NPPB: variants seen among roughly 807,000 people sequenced by gnomAD.
NPPB encodes the protein natriuretic peptide B.
NPPB carries 13 observed loss-of-function variants against 12.7 expected under a neutral mutation model. That is an observed-to-expected ratio of 1.03 (90% confidence interval 0.67 to 1.63). The LOEUF (loss-of-function observed/expected upper bound fraction) is 1.63, where lower values mean the gene tolerates loss of function less well. NPPB is among the 40% of genes most tolerant of loss of function. The probability of loss-of-function intolerance (pLI) is 0.00; values close to 1 mark genes in which losing one functional copy is unlikely to be tolerated. For missense variants in NPPB, 184 were observed against 172.9 expected (o/e 1.06, Z -0.36); for synonymous variants, 66 against 74.7 (o/e 0.88, Z 0.60).
intron 2 of NPPB, 94 bp downstream of exon 2, chr1:11,858,120 G>A (rs1295105414): frequency 1.6e-6 from 2 of 1,223,668 alleles, no homozygotes; most frequent in Non-Finnish European, 2.3e-6. Flanking sequence ...TTCTCAAAGA[G>A]TGTGGTTCCC....
intron 1 of NPPB, 33 bp from the exon 2 acceptor site, chr1:11,858,502 A>T: frequency 6.5e-7 from 1 of 1,534,424 alleles, no homozygotes. Context: ...AGCCTCAGGG[A>T]CCCACCCCTG....
intron 2 of NPPB, 58 bp downstream of exon 2, chr1:11,858,156 C>G: frequency 2.0e-6 from 3 of 1,478,088 alleles, no homozygotes; most frequent in Non-Finnish European, 1.8e-6. Context: ...CAAAGTGACT[C>G]TAACAGTGTC....
chr1:11,858,281 C>T lies in NPPB; in HGVS notation c.321G>A (p.Val107=), dbSNP rs1276956496. 1.2e-6 allele frequency: 2 copies of T among 1,614,128 alleles called. No homozygotes were observed. The highest frequency in any genetic ancestry group is 1.7e-6 in the Non-Finnish European group (2 of 1,179,996). Reference sequence around the variant, plus strand: ...TCCTCCCAAAGCAGCCAGACCCTTGCACCATCTTGGGGCTTCGTGGTGCCC... The same window carrying T: ...TCCTCCCAAAGCAGCCAGACCCTTGTACCATCTTGGGGCTTCGTGGTGCCC... ...TLRAPRSPKM[V]QGSGCFGRKM... Residue 107 remains valine (V), a synonymous_variant, in exon 2 of 3, where the codon GTG becomes GTA. Transcript: ENST00000376468.
Position 11,858,938 on chromosome 1 carries a change from C to T in NPPB, c.-105G>A. ...CCACCTGCCCTCAGCCTGCGGGGTG[C>T]TCCTCCTGGCTCCTCGGGACACCGT... On this transcript the variant is annotated 5_prime_UTR_variant, in exon 1 of 3. Transcript: ENST00000376468. 1 of 1,551,554 alleles carries T rather than the reference C, an allele frequency of 6.4e-7. No individual in the cohort carries two copies. The highest frequency in any genetic ancestry group is 8.7e-7 in the Non-Finnish European group (1 of 1,147,092).
At chr1:11,858,168 C>A (rs1473116280) in intron 2 of NPPB, 46 bp downstream of exon 2, 4 of 1,528,510 alleles carry the variant, frequency 2.6e-6, no homozygotes, top group Non-Finnish European at 3.5e-6. Context: ...AACAGTGTCA[C>A]ACACTGGAAT....
rs935981602 is a variant in NPPB at position 11,858,458 on chromosome 1, G to A, written c.144C>T (p.Asn48=). The A allele has an allele frequency of 1.9e-6, 3 of 1,540,238 alleles. No individual in the cohort carries two copies. In the African/African-American group the frequency reaches 4.1e-5, roughly 21 times the overall value. ...LETSGLQEQR[N]HLQGKLSELQ... ...GCTCCGACAGTTTGCCCTGCAAATG[G>A]TTGCGCTGCTCCTGCAATGAATGGG... Residue 48 remains asparagine (N), a synonymous_variant, in exon 2 of 3, where the codon AAC becomes AAT. Transcript: ENST00000376468.
rs747440882 is a variant in NPPB at position 11,857,482 on chromosome 1, C to A, written c.*173G>T. ...CAAAAGATAAAGCTTATAATGTTGACTTTATTTCACCGTGGAAATTTTGTG... is the reference window on the plus strand; with the variant it reads ...CAAAAGATAAAGCTTATAATGTTGAATTTATTTCACCGTGGAAATTTTGTG... On this transcript the variant is annotated 3_prime_UTR_variant, in exon 3 of 3. Transcript: ENST00000376468. 61 of 629,380 alleles carry A rather than the reference C, an allele frequency of 9.7e-5. No homozygotes were observed. Among genetic ancestry groups the A allele is most frequent in the Non-Finnish European group, 1.6e-4 (57 of 352,352 alleles). The allele number at this position is 629,380 out of a possible 1,614,324, so 39.0% of individuals were successfully genotyped here. A position where few individuals can be genotyped will look rare whatever the true frequency, so the allele number is the denominator to read the frequency against.
At position 11,858,882 on chromosome 1, in the gene NPPB, G is replaced by C; in HGVS notation, c.-49C>G. On this transcript the variant is annotated 5_prime_UTR_variant, in exon 1 of 3. Transcript: ENST00000376468. ...TGCTGCTGCTGCTTCTGCTGCTGCT[G>C]CTGCTGCTGCGATGCGTCCGGGTTT... The C allele has an allele frequency of 1.2e-6, 2 of 1,609,264 alleles. No individual in the cohort carries two copies.
At chr1:11,858,538 A>T (rs898164647) in intron 1 of NPPB, 69 bp from the exon 2 acceptor site, 25 of 1,548,662 alleles carry the variant, frequency 1.6e-5, no homozygotes, top group Non-Finnish European at 2.2e-5. Context: ...CATGGCACCC[A>T]AGTGAACCGA....
chr1:11,858,348 T>C lies in NPPB; in HGVS notation c.254A>G (p.Glu85Gly). 1.2e-6 allele frequency: 2 copies of C among 1,612,262 alleles called. No homozygotes were observed. Among genetic ancestry groups the C allele is most frequent in the South Asian group, 1.1e-5 (1 of 90,880 alleles). The change falls in exon 2 of 3, where the codon GAG becomes GGG. Residue 85 changes from glutamate (E) to glycine (G), a missense_variant. By Grantham distance (98) the Glu-to-Gly change is moderately conservative (BLOSUM62 -2). Coordinates refer to ENST00000376468, the MANE Select transcript of NPPB (RefSeq NM_002521.3). ...GVWKSREVAT[E>G]GIRGHRKMVL... is the part of the protein sequence containing the mutation. ...CATTTTGCGGTGCCCACGGATGCCC[T>C]CGGTGGCTACCTCCCGGGACTTCCA...
rs776258119 is a variant in NPPB, at chr1:11,857,678, G to C, written c.389-7C>G. ...TCTTAATGCCGCCTCAGCACTGTCAGGGAAAGAGAGAGGGTGATGATGGTT... is the reference window on the plus strand; with the variant it reads ...TCTTAATGCCGCCTCAGCACTGTCACGGAAAGAGAGAGGGTGATGATGGTT... On this transcript the variant is annotated splice_polypyrimidine_tract_variant and splice_region_variant and intron_variant, in intron 2 of 2. Transcript: ENST00000376468. The C allele has an allele frequency of 6.2e-7, 1 of 1,613,834 alleles. No homozygotes were observed. Among genetic ancestry groups the C allele is most frequent in the Non-Finnish European group, 8.5e-7 (1 of 1,179,908 alleles).
rs1645130269 is a variant in NPPB at position 11,857,751 on chromosome 1, C to A, written c.389-80G>T. On this transcript the variant is annotated intron_variant, in intron 2 of 2. Transcript: ENST00000376468. Reference sequence around the variant, plus strand: ...GCTGAGCTTACCTCATCGTGTGCCACCCACCACCCTGTTAGTCATCAGACG... The same window carrying A: ...GCTGAGCTTACCTCATCGTGTGCCAACCACCACCCTGTTAGTCATCAGACG... The A allele has an allele frequency of 3.5e-6, 5 of 1,421,010 alleles. No individual in the cohort carries two copies. The South Asian group carries it at 4.7e-5, about 13-fold the overall frequency. The allele number at this position is 1,421,010 out of a possible 1,614,324, so 88.0% of individuals were successfully genotyped here.
chr1:11,858,178 TG>T, intron 2 of NPPB, 35 bp downstream of exon 2: 5 of 1,554,888 alleles, frequency 3.2e-6, no homozygotes, highest in Non-Finnish European at 3.5e-6. Flanking sequence ...CACACTGGAA[TG>T]GGGGAAGGCG....
In NPPB at chr1:11,858,318, A is replaced by G. The variant is rs760326976; in HGVS notation, c.284T>C (p.Leu95Pro). The G allele has an allele frequency of 1.2e-6, 2 of 1,613,962 alleles. No homozygotes were observed. The highest frequency in any genetic ancestry group is 1.7e-6 in the Non-Finnish European group (2 of 1,179,918). The change falls in exon 2 of 3, where the codon CTC becomes CCC. Residue 95 changes from leucine to proline, a missense_variant. By Grantham distance (98) the Leu-to-Pro change is moderately conservative. Coordinates refer to ENST00000376468, the MANE Select transcript of NPPB (RefSeq NM_002521.3). ...EGIRGHRKMV[L>P]YTLRAPRSPK... is the part of the protein sequence containing the mutation. ...GCTTCGTGGTGCCCGCAGGGTGTAG[A>G]GGACCATTTTGCGGTGCCCACGGAT...
Position 11,857,572 on chromosome 1 carries a change from G to A in NPPB, c.*83C>T, listed in dbSNP as rs1645129074. 3 of 1,235,948 alleles carry A rather than the reference G, an allele frequency of 2.4e-6. No homozygotes were observed. The South Asian group carries it at 3.7e-5, about 15-fold the overall frequency. 76.6% of individuals were successfully genotyped at this position (1,235,948 alleles called of 1,614,324 possible). ...AAATACATAAATACATTAAAAAAAT[G>A]AGTCACTTCAAAGGCGGCCACAGGG... On this transcript the variant is annotated 3_prime_UTR_variant, in exon 3 of 3. Coordinates refer to ENST00000376468, the MANE Select transcript of NPPB (RefSeq NM_002521.3).
At chr1:11,858,538 A>G (rs898164647) in intron 1 of NPPB, 69 bp from the exon 2 acceptor site, 2 of 1,548,662 alleles carry the variant, frequency 1.3e-6, no homozygotes, top group Admixed American at 4.2e-5. Flanking sequence ...CATGGCACCC[A>G]AGTGAACCGA....
At position 11,858,476 on chromosome 1, in the gene NPPB, T is replaced by A; in HGVS notation, c.133-7A>T. 1.3e-6 allele frequency: 2 copies of A among 1,532,818 alleles called. No homozygotes were observed. The highest frequency in any genetic ancestry group is 3.5e-4 in the Middle Eastern group (2 of 5,688). 95.0% of individuals were successfully genotyped at this position (1,532,818 alleles called of 1,614,324 possible). A position where few individuals can be genotyped will look rare whatever the true frequency, so the allele number is the denominator to read the frequency against. ...GCAAATGGTTGCGCTGCTCCTGCAA[T>A]GAATGGGGGCGTCCAAGCCTCAGGG... On this transcript the variant is annotated splice_region_variant and splice_polypyrimidine_tract_variant and intron_variant, in intron 1 of 2. Coordinates refer to ENST00000376468, the MANE Select transcript of NPPB (RefSeq NM_002521.3).
In NPPB at chr1:11,857,533, TA is replaced by T; in HGVS notation, c.*121del. On this transcript the variant is annotated 3_prime_UTR_variant, in exon 3 of 3. Coordinates refer to ENST00000376468, the MANE Select transcript of NPPB (RefSeq NM_002521.3). ...CTCAAAGGTAAGAAACCATCTTATA[TA>T]AAACAATCAAATAAATACATAAATA... 1.1e-6 allele frequency: 1 copy of T among 934,116 alleles called. No individual in the cohort carries two copies. The highest frequency in any genetic ancestry group is 1.7e-6 in the Non-Finnish European group (1 of 598,808). 57.9% of individuals were successfully genotyped at this position (934,116 alleles called of 1,614,324 possible).
At chr1:11,857,783 G>A (rs779853047) in intron 2 of NPPB, 112 bp from the exon 3 acceptor site, 9 of 1,056,846 alleles carry the variant, frequency 8.5e-6, no homozygotes, top group Non-Finnish European at 1.3e-5. Flanking sequence ...GACGTTTGAG[G>A]CTTAATGCAA....
Sources: gnomAD v4.1 joint callset for allele counts on GRCh38, gnomAD v4.1.1 for gene constraint, MANE v1.5 for transcripts, NCBI Gene and HGNC (gene_info 2026-07-23, HGNC 2026-07-21) for gene names.